Variants in MCUB observed in about 807,000 individuals in gnomAD.
MCUB encodes the protein calcium uniporter regulatory subunit MCUb, mitochondrial.
MCUB carries 46 observed loss-of-function variants against 41.4 expected under a neutral mutation model. The ratio of observed to expected loss-of-function variants is 1.11; its 90% confidence interval spans 0.88 to 1.42. The LOEUF is 1.42. Ranked by LOEUF, MCUB falls within the 40% of genes most tolerant of loss-of-function variation. The pLI is 0.00. For missense variants in MCUB, 403 were observed against 404.9 expected (o/e 1.00, Z 0.04); for synonymous variants, 148 against 148.2 (o/e 1.00, Z 0.01).
chr4:109,660,575 G>A (rs1034134569), intron 3 of MCUB, among the ~76,000 whole-genome samples: 3 of 152,032 alleles, frequency 2.0e-5, no homozygotes, highest in Non-Finnish European at 4.4e-5. Flanking sequence ...CAGCACTTTT[G>A]GGAGGCCGAG....
intron 1 of MCUB, among the ~76,000 whole-genome samples, chr4:109,650,946 G>A (rs538841938): frequency 2.6e-5 from 4 of 152,088 alleles, no homozygotes; most frequent in East Asian, 3.9e-4. Flanking sequence ...CATCTTTGTC[G>A]GGAATATCTC....
In MCUB at chr4:109,685,320, C is replaced by T. The variant is rs747102731; in HGVS notation, c.886C>T (p.His296Tyr). 2 of 1,587,640 alleles carry T rather than the reference C, an allele frequency of 1.3e-6. No individual in the cohort carries two copies. Among genetic ancestry groups the T allele is most frequent in the African/African-American group, 1.3e-5 (1 of 74,518 alleles). ...CTTCCACAAGAAATCAAAGCAACAG[C>T]ACTTTGATGTGCAGCAATACAACAA... is the stretch of plus-strand genomic sequence containing the variant. ...QFFHKKSKQQ[H>Y]FDVQQYNKLK... is the part of the protein sequence containing the mutation. The change falls in exon 7 of 8, where the codon CAC (histidine) becomes TAC (tyrosine). Residue 296 changes from histidine (H) to tyrosine (Y), a missense_variant. Transcript: ENST00000394650.
chr4:109,626,141 C>CACTA (rs1728355361), intron 1 of MCUB, among the ~76,000 whole-genome samples: 1 of 152,192 alleles, frequency 6.6e-6, no homozygotes, highest in African/African-American at 2.4e-5. Context: ...GCACTGTTTA[C>CACTA]ACTAAGCACT....
intron 5 of MCUB, 84 bp downstream of exon 5, chr4:109,682,826 G>A: frequency 9.7e-7 from 1 of 1,027,436 alleles, no homozygotes; most frequent in Non-Finnish European, 1.4e-6. Context: ...TTTTCTGAAT[G>A]CTTTCCATAT....
At chr4:109,590,172 T>G (rs936965469) in intron 1 of MCUB, among the ~76,000 whole-genome samples, 2 of 134,724 alleles carry the variant, frequency 1.5e-5, no homozygotes, top group African/African-American at 4.9e-5. Context: ...AATCGTTAAT[T>G]TTTTAATTCT....
At chr4:109,588,004 T>TA (rs1727349620) in intron 1 of MCUB, among the ~76,000 whole-genome samples, 1 of 152,218 alleles carries the variant, frequency 6.6e-6, no homozygotes, top group African/African-American at 2.4e-5. Flanking sequence ...ACAGAAACCT[T>TA]AAAGTGTTGC....
At chr4:109,583,617 G>A (rs1384067006) in intron 1 of MCUB, among the ~76,000 whole-genome samples, 5 of 152,180 alleles carry the variant, frequency 3.3e-5, no homozygotes, top group African/African-American at 1.2e-4. Flanking sequence ...GGAGTGGTGA[G>A]AGAGGGCATC....
intron 4 of MCUB, chr4:109,674,004 T>TA: frequency 8.5e-7 from 1 of 1,175,262 alleles, no homozygotes. Context: ...GGGGAAATAC[T>TA]AAAATGTCCA....
intron 1 of MCUB, chr4:109,648,444 A>G: frequency 9.7e-6 from 3 of 309,396 alleles, no homozygotes. Flanking sequence ...GTACTGTATT[A>G]GCCAAATGCC....
chr4:109,666,070 G>A (rs1729340985), intron 4 of MCUB, among the ~76,000 whole-genome samples: 1 of 151,878 alleles, frequency 6.6e-6, no homozygotes. Flanking sequence ...GAAGAGGAAG[G>A]CCAGCTTGGC....
chr4:109,630,885 A>G (rs924420872), intron 1 of MCUB, among the ~76,000 whole-genome samples: 11 of 152,238 alleles, frequency 7.2e-5, no homozygotes, highest in Admixed American at 4.6e-4. Context: ...CTGGCCTGCA[A>G]AATTGTTTTT....
chr4:109,607,723 C>T (rs527927710), intron 1 of MCUB, among the ~76,000 whole-genome samples: 46 of 152,264 alleles, frequency 3.0e-4, no homozygotes, highest in African/African-American at 1.1e-3. Flanking sequence ...TCTCTCCTGG[C>T]CTGTAAGAGT....
chr4:109,612,059 C>T (rs1213059776), intron 1 of MCUB, among the ~76,000 whole-genome samples: 1 of 152,082 alleles, frequency 6.6e-6, no homozygotes, highest in Admixed American at 6.6e-5. Context: ...GCATAGTCTG[C>T]TGTAACAAAA....
At chr4:109,579,395 G>A (rs1287334333) in intron 1 of MCUB, among the ~76,000 whole-genome samples, 9 of 151,620 alleles carry the variant, frequency 5.9e-5, no homozygotes, top group African/African-American at 1.5e-4. Flanking sequence ...GACTACAGGC[G>A]CATGCCACCA....
intron 4 of MCUB, among the ~76,000 whole-genome samples, chr4:109,670,319 TGA>T (rs528166299): frequency 0.032 from 4,945 of 152,214 alleles, 269 homozygotes; most frequent in African/African-American, 0.11. Flanking sequence ...TACAGGTTGC[TGA>T]AGTTGGGTTT....
chr4:109,659,025 G>A lies in MCUB; in HGVS notation c.114G>A (p.Lys38=), dbSNP rs1729166878. The change falls in exon 2 of 8, where the codon AAG becomes AAA. Residue 38 remains lysine (K), a synonymous_variant. Coordinates refer to ENST00000394650, the MANE Select transcript of MCUB (RefSeq NM_017918.5). ...CCTTCTTGTAGGTTTTGCGTGTGAA[G>A]CTGTGTGGAAATGTGAAATACTACC... ...LPPPPQVLRV[K]LCGNVKYYQS... 1 of 1,538,826 alleles carries A rather than the reference G, an allele frequency of 6.5e-7. No homozygotes were observed. The highest frequency in any genetic ancestry group is 8.8e-7 in the Non-Finnish European group (1 of 1,135,454).
chr4:109,619,042 A>T (rs537262992), intron 1 of MCUB, among the ~76,000 whole-genome samples: 1 of 136,698 alleles, frequency 7.3e-6, no homozygotes, highest in East Asian at 2.4e-4. Flanking sequence ...CTACCTACCT[A>T]CCTACCTACC....
At chr4:109,643,690 G>T (rs1728769886) in intron 1 of MCUB, among the ~76,000 whole-genome samples, 1 of 151,750 alleles carries the variant, frequency 6.6e-6, no homozygotes, top group African/African-American at 2.4e-5. Context: ...TTTTAGTAGA[G>T]ATGGGATTTC....
intron 1 of MCUB, among the ~76,000 whole-genome samples, chr4:109,612,878 G>T (rs529273197): frequency 6.6e-6 from 1 of 152,140 alleles, no homozygotes; most frequent in Non-Finnish European, 1.5e-5. Flanking sequence ...AGGCCAAGGC[G>T]GGCGGATCAC....
Sources: allele counts gnomAD v4.1 joint callset (sites outside exome capture counted in the v4.1 genomes callset), GRCh38; gene constraint gnomAD v4.1.1; transcripts MANE v1.5; gene names NCBI Gene and HGNC (gene_info 2026-07-23, HGNC 2026-07-21).